Variants in HECTD3 observed in about 807,000 individuals in gnomAD.
HECTD3 encodes the protein E3 ubiquitin-protein ligase HECTD3.
In HECTD3, 72 loss-of-function variants were observed where a neutral mutation model predicts 109.3. That is an observed-to-expected ratio of 0.66 (90% confidence interval 0.54 to 0.80). The LOEUF (loss-of-function observed/expected upper bound fraction) is 0.80, where lower values mean the gene tolerates loss of function less well. Among genes scored for constraint, HECTD3 ranks in the 30% least tolerant of loss-of-function variants. The probability of loss-of-function intolerance (pLI) is 0.00; values close to 1 mark genes in which losing one functional copy is unlikely to be tolerated. For synonymous variants in HECTD3, 481 were observed against 471.8 expected (o/e 1.02, Z -0.25); for missense variants, 1,041 against 1,165.2 (o/e 0.89, Z 1.55).
At position 45,006,704 on chromosome 1, in the gene HECTD3, G is replaced by A; in HGVS notation, c.1713C>T (p.Arg571=). The A allele has an allele frequency of 4.3e-6, 7 of 1,612,440 alleles. No individual in the cohort carries two copies. The highest frequency in any genetic ancestry group is 5.9e-6 in the Non-Finnish European group (7 of 1,179,104). ...AAACGGAGATTACCTGGTTGGCTGT[G>A]CGTACAAAGAAGGGCAGGGGCACGG... ...DTPVPLPFFV[R]TANQGNGTGE... Residue 571 remains arginine, a synonymous_variant, in exon 13 of 21, where the codon CGC becomes CGT. Transcript: ENST00000372172. This position sits in a 1 kb window ranked among gnomAD's most constrained non-coding sequence, Gnocchi z 4.7.
Position 45,008,222 on chromosome 1 carries a change from C to A in HECTD3, c.1320+18G>T, listed in dbSNP as rs144134559. On this transcript the variant is annotated intron_variant, in intron 9 of 20. Transcript: ENST00000372172. The stretch of plus-strand genomic sequence containing the variant: ...GGAAGGGGAAATGCCAAGACCAGCA[C>A]TGGCTGGGTCGGCTCACCTTAATCT... 9.2e-4 allele frequency: 1,471 copies of A among 1,603,372 alleles called. 15 individuals carry two copies. In the African/African-American group the frequency reaches 0.018, roughly 19 times the overall value.
In HECTD3 at chr1:45,011,170, G is replaced by C. The variant is rs1403303757; in HGVS notation, c.88C>G (p.Leu30Val). The change falls in exon 1 of 21, where the codon CTC becomes GTC. Residue 30 changes from leucine (L) to valine (V), a missense_variant. Around this residue, in one of 2 missense-constraint regions of HECTD3, gnomAD observed 472 missense variants for 449.9 expected, o/e 1.05. Coordinates refer to ENST00000372172, the MANE Select transcript of HECTD3 (RefSeq NM_024602.6). ...GCTGGCAGCGGCCGCCCGGCGCGGA[G>C]GCTCCGCGCTGCCTCTGCCAAGAAG... ...VRFLAEAARS[L>V]RAGRPLPAAL... 6.0e-6 allele frequency: 9 copies of C among 1,493,712 alleles called. No individual in the cohort carries two copies. The highest frequency in any genetic ancestry group is 1.5e-5 in the African/African-American group (1 of 68,772). 92.5% of individuals were successfully genotyped at this position (1,493,712 alleles called of 1,614,324 possible).
At position 45,010,962 on chromosome 1, in the gene HECTD3, C is replaced by G. The variant is rs759656950; in HGVS notation, c.296G>C (p.Arg99Pro). The G allele has an allele frequency of 3.9e-6, 6 of 1,533,280 alleles. No individual in the cohort carries two copies. The South Asian group carries it at 4.8e-5, about 12-fold the overall frequency. The allele number at this position is 1,533,280 out of a possible 1,614,324, so 95.0% of individuals were successfully genotyped here. The change falls in exon 1 of 21, where the codon CGG (arginine) becomes CCG (proline). Residue 99 changes from arginine to proline, a missense_variant. Coordinates refer to ENST00000372172, the MANE Select transcript of HECTD3 (RefSeq NM_024602.6). ...LRAARDSIEL[R>P]RGACVRTTGE... ...CGTGGTGCGCACGCAGGCGCCGCGC[C>G]GGAGCTCAATGCTGTCGCGGGCGGC...
intron 4 of HECTD3, 31 bp downstream of exon 4, chr1:45,009,955 T>A: frequency 6.6e-7 from 1 of 1,518,246 alleles, no homozygotes; most frequent in Non-Finnish European, 8.8e-7. Flanking sequence ...GACTATATCT[T>A]GCCTGGGGTG....
chr1:45,008,360 A>G (rs1210769666), intron 8 of HECTD3, 39 bp from the exon 9 acceptor site: 2 of 1,565,420 alleles, frequency 1.3e-6, no homozygotes, highest in Non-Finnish European at 1.8e-6. Flanking sequence ...AGAGTTTAGC[A>G]TACCTGTAAC....
At chr1:45,007,823 AC>A (rs1644750168) in intron 9 of HECTD3, among the ~76,000 whole-genome samples, 1 of 152,136 alleles carries the variant, frequency 6.6e-6, no homozygotes, top group African/African-American at 2.4e-5. Flanking sequence ...CAGCTCCACT[AC>A]CCTGGGACAA....
chr1:45,004,609 G>C lies in HECTD3; in HGVS notation c.2133C>G (p.Ser711Arg), dbSNP rs1644719121. 1 of 1,614,008 alleles carries C rather than the reference G, an allele frequency of 6.2e-7. No individual in the cohort carries two copies. Among genetic ancestry groups the C allele is most frequent in the East Asian group, 2.2e-5 (1 of 44,898 alleles). Residue 711 changes from serine (S) to arginine (R), a missense_variant, in exon 16 of 21, where the codon AGC becomes AGG. Ser to Arg is a moderately radical substitution (Grantham distance 110). Transcript: ENST00000372172. The part of the protein sequence containing the change: ...QLVQKARLEE[S>R]KEQVAAMQAG... Reference sequence around the variant, plus strand: ...AGCCTCTGGGTACTACCTGCTCCTTGCTCTCCTCTAGCCGTGCCTTCTGGA... The same window carrying C: ...AGCCTCTGGGTACTACCTGCTCCTTCCTCTCCTCTAGCCGTGCCTTCTGGA...
At position 45,011,133 on chromosome 1, in the gene HECTD3, A is replaced by G; in HGVS notation, c.125T>C (p.Phe42Ser). 6.6e-7 allele frequency: 1 copy of G among 1,511,148 alleles called. No individual in the cohort carries two copies. The highest frequency in any genetic ancestry group is 8.8e-7 in the Non-Finnish European group (1 of 1,138,326). The allele number at this position is 1,511,148 out of a possible 1,614,324, so 93.6% of individuals were successfully genotyped here. Residue 42 changes from phenylalanine to serine, a missense_variant, in exon 1 of 21, where the codon TTC becomes TCC. By Grantham distance (155) the Phe-to-Ser change is radical (BLOSUM62 -2). This residue lies in a region of HECTD3 where 472 missense variants were observed against 449.9 expected (regional missense o/e 1.05). Coordinates refer to ENST00000372172, the MANE Select transcript of HECTD3 (RefSeq NM_024602.6). ...CTTGTAGAGCACCTCTCGCGGCACG[A>G]AAGCCAGCGCTGCTGGCAGCGGCCG... is the stretch of plus-strand genomic sequence containing the variant. Reference protein sequence around the residue: ...AGRPLPAALAFVPREVLYKLY... With the variant: ...AGRPLPAALASVPREVLYKLY...
In HECTD3 at chr1:45,005,796, GCA is replaced by G. The variant is rs1644730242; in HGVS notation, c.1931_1932del (p.Val644AlafsTer17). 2 of 1,591,018 alleles carry G rather than the reference GCA, an allele frequency of 1.3e-6. No homozygotes were observed. Among genetic ancestry groups the G allele is most frequent in the South Asian group, 1.2e-5 (1 of 86,366 alleles). On this transcript the variant is annotated frameshift_variant, in exon 15 of 21. Transcript: ENST00000372172. LOFTEE classifies it high-confidence loss of function. ...WSKDFPAVDSVLVKLLEVMEG... is the reference protein window; with the variant it reads ...WSKDFPAVDSXLVKLLEVMEG... Reference sequence around the variant, plus strand: ...CACTGGTTCCAGGTCCTACTCACCAGCACAGAGTCCACAGCTGGGAAGTCCTT... The same window carrying G: ...CACTGGTTCCAGGTCCTACTCACCAGCAGAGTCCACAGCTGGGAAGTCCTT...
In HECTD3 at chr1:45,005,681, T is replaced by G. The variant is rs574074822; in HGVS notation, c.1935+113A>C. Reference sequence around the variant, plus strand: ...CAGTAGTTGAAGCCATGGGAGTGGATGGATTGGAGAGGGATCTTGTGTGTG... The same window carrying G: ...CAGTAGTTGAAGCCATGGGAGTGGAGGGATTGGAGAGGGATCTTGTGTGTG... On this transcript the variant is annotated intron_variant, in intron 15 of 20. Transcript: ENST00000372172. 66 of 810,400 alleles carry G rather than the reference T, an allele frequency of 8.1e-5. No individual in the cohort carries two copies. The East Asian group carries it at 1.7e-3, about 21-fold the overall frequency. The allele number at this position is 810,400 out of a possible 1,614,324, so 50.2% of individuals were successfully genotyped here.
chr1:45,003,917 C>G lies in HECTD3; in HGVS notation c.2367G>C (p.Leu789=), dbSNP rs775366926. The G allele has an allele frequency of 6.2e-7, 1 of 1,613,484 alleles. No homozygotes were observed. The highest frequency in any genetic ancestry group is 2.2e-5 in the East Asian group (1 of 44,856). The change falls in exon 19 of 21, where the codon CTG becomes CTC. Residue 789 remains leucine (L), a synonymous_variant. Transcript: ENST00000372172. The surrounding 1 kb of genome is among the most constrained non-coding windows in gnomAD (Gnocchi z 4.7). ...GGCGACTGCGGCCCGTGACAAAGCG[C>G]AGGAAGCGGCTCCGGTCCTCTGGAG... is the stretch of plus-strand genomic sequence containing the variant. The part of the protein sequence containing the change: ...NFTNEDRSRF[L]RFVTGRSRLP...
At chr1:45,008,736 C>T (rs746422297) in intron 7 of HECTD3, 35 bp from the exon 8 acceptor site, 1 of 1,593,392 alleles carries the variant, frequency 6.3e-7, no homozygotes, top group African/African-American at 1.3e-5. Flanking sequence ...TCATTTACAG[C>T]ACCTGCTGCC....
rs1425387299 is a variant in HECTD3 at position 45,002,939 on chromosome 1, G to A, written c.*553C>T. 6.3e-6 allele frequency: 1 copy of A among 158,804 alleles called. No individual in the cohort carries two copies. Among genetic ancestry groups the A allele is most frequent in the Non-Finnish European group, 1.4e-5 (1 of 71,456 alleles). 9.8% of individuals were successfully genotyped at this position (158,804 alleles called of 1,614,324 possible). A position where few individuals can be genotyped will look rare whatever the true frequency, so the allele number is the denominator to read the frequency against. On this transcript the variant is annotated 3_prime_UTR_variant, in exon 21 of 21. Coordinates refer to ENST00000372172, the MANE Select transcript of HECTD3 (RefSeq NM_024602.6). ...GAGCTCACCACATCTCTGGTATGGA[G>A]GGAGAGGGGAAAAGAGCAGAATGTG...
chr1:45,005,679 G>T, intron 15 of HECTD3, 115 bp downstream of exon 15: 2 of 801,042 alleles, frequency 2.5e-6, no homozygotes, highest in African/African-American at 1.7e-5. Context: ...CATGGGAGTG[G>T]ATGGATTGGA....
Position 45,007,249 on chromosome 1 carries a change from G to A in HECTD3, c.1526C>T (p.Ser509Phe). The A allele has an allele frequency of 6.2e-7, 1 of 1,613,596 alleles. No homozygotes were observed. The highest frequency in any genetic ancestry group is 8.5e-7 in the Non-Finnish European group (1 of 1,179,760). ...GTCCAGGGGCTTTTCATATTTGTCA[G>A]AGGGCTTGAGGCCTTCATATACCTG... ...FTQVYEGLKP[S>F]DKYEKPLDYR... Residue 509 changes from serine to phenylalanine, a missense_variant, in exon 11 of 21, where the codon TCT becomes TTT. Physicochemically the swap from Ser to Phe is radical, Grantham distance 155. This residue lies in a region of HECTD3 where 569 missense variants were observed against 715.3 expected (regional missense o/e 0.80). Transcript: ENST00000372172.
rs376896329 is a variant in HECTD3, at chr1:45,003,632, C to T, written c.2501+37G>A. 12 of 1,613,286 alleles carry T rather than the reference C, an allele frequency of 7.4e-6. No homozygotes were observed. In the African/African-American group the frequency reaches 1.3e-4, roughly 18 times the overall value. On this transcript the variant is annotated intron_variant, in intron 20 of 20. Transcript: ENST00000372172. This position sits in a 1 kb window ranked among gnomAD's most constrained non-coding sequence, Gnocchi z 4.7. ...ACATCGCTACCAGGGGTGATGGGGT[C>T]CCCTGGGCCCCAAATCGAGCCTAGG...
Position 45,008,588 on chromosome 1 carries a change from G to A in HECTD3, c.1186C>T (p.Leu396=). 1 of 1,614,066 alleles carries A rather than the reference G, an allele frequency of 6.2e-7. No individual in the cohort carries two copies. Among genetic ancestry groups the A allele is most frequent in the Non-Finnish European group, 8.5e-7 (1 of 1,179,984 alleles). The change falls in exon 8 of 21, where the codon CTA becomes TTA. Residue 396 remains leucine, a synonymous_variant. Transcript: ENST00000372172. ...QPTSLVRYPR[L]EGTDPEVLYR... ...AGTACTTCAGGGTCGGTGCCTTCTA[G>A]GCGTGGATATCGCACCAGACTAGTT...
intron 9 of HECTD3, 117 bp from the exon 10 acceptor site, chr1:45,007,712 T>C: frequency 1.2e-6 from 1 of 866,102 alleles, no homozygotes; most frequent in Non-Finnish European, 1.8e-6. Context: ...GTCTAGTCCA[T>C]CCCTGTCTTT....
At chr1:45,004,881 C>A in intron 15 of HECTD3, 75 bp from the exon 16 acceptor site, 2 of 1,368,256 alleles carry the variant, frequency 1.5e-6, no homozygotes, top group East Asian at 2.3e-5. Context: ...AAGATGCTCA[C>A]AGGGAAGCAG....
Sources: gnomAD v4.1 joint callset for allele counts (sites outside exome capture counted in the v4.1 genomes callset) on GRCh38, gnomAD v4.1.1 for gene constraint, gnomAD v4.1.1 regional missense constraint, Gnocchi (gnomAD v3.1) non-coding constraint, MANE v1.5 for transcripts, NCBI Gene and HGNC (gene_info 2026-07-23, HGNC 2026-07-21) for gene names.